Variants in CSMD2 observed in about 807,000 individuals in gnomAD.
CSMD2 encodes CUB and Sushi multiple domains 2, also known as CUB and sushi domain-containing protein 2.
Under a neutral mutation model 398.5 loss-of-function variants are expected in CSMD2, and 130 were observed. The observed-to-expected ratio is 0.33, with a 90% CI of 0.28 to 0.38. The LOEUF is 0.38. Among genes scored for constraint, CSMD2 ranks in the 10% least tolerant of loss-of-function variants. CSMD2 has a pLI of 1.00. For synonymous variants in CSMD2, 1,828 were observed against 1,908.5 expected (o/e 0.96, Z 1.10); for missense variants, 3,829 against 4,764.9 (o/e 0.80, Z 5.78).
At position 33,863,976 on chromosome 1, in the gene CSMD2, T is replaced by C. The variant is rs76744259; in HGVS notation, c.921-16980A>G. On this transcript the variant is annotated intron_variant, in intron 5 of 70. Transcript: ENST00000373381. ...ACCTGTACACAAATGCCCACAGGTGTTGGCTGGGATTGGCTGGCTTGTGGA... is the reference window on the plus strand; with the variant it reads ...ACCTGTACACAAATGCCCACAGGTGCTGGCTGGGATTGGCTGGCTTGTGGA... The C allele has an allele frequency of 7.7e-3, 4,192 of 544,456 alleles. 157 individuals are homozygous for C. The highest frequency in any genetic ancestry group is 0.072 in the African/African-American group (3,791 of 52,650). 33.7% of individuals were successfully genotyped at this position (544,456 alleles called of 1,614,324 possible).
chr1:33,716,423 G>A lies in CSMD2; in HGVS notation c.3080C>T (p.Thr1027Ile). The A allele has an allele frequency of 6.2e-7, 1 of 1,614,060 alleles. No individual in the cohort carries two copies. Among genetic ancestry groups the A allele is most frequent in the Non-Finnish European group, 8.5e-7 (1 of 1,180,028 alleles). ...TCCAGTTAGCTGCCTCAGGGGCTGG[G>A]TGAAGCTGCCGTTCTCAGTGATGAG... ...YLLITENGSF[T>I]QPLRQLTGSR... The change falls in exon 20 of 71, where the codon ACC becomes ATC. Residue 1027 changes from threonine (T) to isoleucine (I), a missense_variant. Thr to Ile is a moderately conservative substitution (Grantham distance 89, BLOSUM62 -1). Transcript: ENST00000373381.
chr1:34,107,134 G>A (rs1190182690), intron 1 of CSMD2, among the ~76,000 whole-genome samples: 1 of 152,172 alleles, frequency 6.6e-6, no homozygotes, highest in Non-Finnish European at 1.5e-5. Context: ...TCCTGTCTGG[G>A]TCTTTCAGAG....
At chr1:34,053,727 T>C (rs139157977) in intron 2 of CSMD2, among the ~76,000 whole-genome samples, 2 of 152,344 alleles carry the variant, frequency 1.3e-5, no homozygotes, top group African/African-American at 4.8e-5. Context: ...ATTATCATCT[T>C]TATTTCCTTT....
At chr1:34,039,226 C>T (rs751835229) in intron 2 of CSMD2, among the ~76,000 whole-genome samples, 3 of 152,136 alleles carry the variant, frequency 2.0e-5, no homozygotes, top group Non-Finnish European at 4.4e-5. Context: ...GGCCATGACA[C>T]CAGCTTGGCC....
At position 34,163,830 on chromosome 1, in the gene CSMD2, GA is replaced by G. The variant is rs893520586; in HGVS notation, c.187+1080del. 6.6e-6 allele frequency among the ~76,000 whole-genome samples: 1 copy of G among 152,102 alleles called. No homozygotes were observed. The highest frequency in any genetic ancestry group is 2.4e-5 in the African/African-American group (1 of 41,424). Reference sequence around the variant, plus strand: ...GGACCCGTCTCCACCCGGGCACACGGAACTTTCTAGCTTGTAGCTAGAACTG... The same window carrying G: ...GGACCCGTCTCCACCCGGGCACACGGACTTTCTAGCTTGTAGCTAGAACTG... On this transcript the variant is annotated intron_variant, in intron 1 of 70. Transcript: ENST00000373381. This position sits in a 1 kb window ranked among gnomAD's most constrained non-coding sequence, Gnocchi z 5.4.
intron 5 of CSMD2, among the ~76,000 whole-genome samples, chr1:33,899,776 A>G (rs1177598567): frequency 5.3e-5 from 8 of 152,324 alleles, no homozygotes; most frequent in African/African-American, 1.9e-4. Context: ...CAGAAAGCTA[A>G]GTGACTTGCT....
At chr1:34,036,761 T>G (rs1651178891) in intron 2 of CSMD2, among the ~76,000 whole-genome samples, 1 of 152,214 alleles carries the variant, frequency 6.6e-6, no homozygotes, top group Admixed American at 6.5e-5. Context: ...CTCCTGTGAA[T>G]CTATTATTAT....
At chr1:33,947,428 A>C (rs1644872404) in intron 3 of CSMD2, among the ~76,000 whole-genome samples, 1 of 152,130 alleles carries the variant, frequency 6.6e-6, no homozygotes, top group African/African-American at 2.4e-5. Flanking sequence ...TCCCTTAGAC[A>C]ACAGAACTCC....
At chr1:34,162,433 C>G (rs1490483726) in intron 1 of CSMD2, among the ~76,000 whole-genome samples, 1 of 152,204 alleles carries the variant, frequency 6.6e-6, no homozygotes, top group Non-Finnish European at 1.5e-5. Flanking sequence ...ACAGTGTGAA[C>G]TGAACACAAA....
At chr1:34,048,496 C>T (rs980545175) in intron 2 of CSMD2, among the ~76,000 whole-genome samples, 1 of 152,126 alleles carries the variant, frequency 6.6e-6, no homozygotes, top group Admixed American at 6.5e-5. Context: ...GGCTTTGTGC[C>T]CACCTACCCC....
chr1:33,600,153 C>T (rs952717019), intron 44 of CSMD2: 4 of 715,196 alleles, frequency 5.6e-6, no homozygotes, highest in Non-Finnish European at 5.2e-6. Flanking sequence ...GGGGAAGGGA[C>T]CTGTGCAAGG....
chr1:33,592,359 C>A, intron 44 of CSMD2: 1 of 715,132 alleles, frequency 1.4e-6, no homozygotes, highest in Non-Finnish European at 2.6e-6. Context: ...ATTTCAACTT[C>A]CCAAGAGAGA....
At chr1:33,897,565 A>C (rs1350343767) in intron 5 of CSMD2, among the ~76,000 whole-genome samples, 4 of 152,200 alleles carry the variant, frequency 2.6e-5, no homozygotes, top group Non-Finnish European at 4.4e-5. Context: ...ATCATGACTG[A>C]GGTCAAGAGG....
At chr1:33,706,361 T>C (rs560377952) in intron 22 of CSMD2, among the ~76,000 whole-genome samples, 23 of 152,224 alleles carry the variant, frequency 1.5e-4, no homozygotes, top group Non-Finnish European at 3.1e-4. Context: ...TTTACCATCT[T>C]CCGTTCATTG....
intron 5 of CSMD2, among the ~76,000 whole-genome samples, chr1:33,872,263 A>G (rs1351444777): frequency 6.6e-6 from 1 of 152,192 alleles, no homozygotes; most frequent in Non-Finnish European, 1.5e-5. Flanking sequence ...ATGTGAGAAG[A>G]GAGAAAAAAA....
intron 6 of CSMD2, among the ~76,000 whole-genome samples, chr1:33,837,966 G>A (rs900425354): frequency 6.6e-6 from 1 of 152,216 alleles, no homozygotes; most frequent in East Asian, 1.9e-4. Context: ...CAATACAAAT[G>A]TCTCTCTAGT....
chr1:34,074,578 A>G (rs972954360), intron 2 of CSMD2, among the ~76,000 whole-genome samples: 3 of 152,230 alleles, frequency 2.0e-5, no homozygotes, highest in African/African-American at 7.2e-5. Flanking sequence ...GCATTGATTC[A>G]TTCACTCCAT....
At chr1:33,716,141 C>A in intron 20 of CSMD2, 145 bp downstream of exon 20, 1 of 666,230 alleles carries the variant, frequency 1.5e-6, no homozygotes, top group Non-Finnish European at 2.6e-6. Flanking sequence ...ACCCAAGCAT[C>A]TTTTGCTGAA....
chr1:33,706,704 G>A (rs1432867089), intron 22 of CSMD2, among the ~76,000 whole-genome samples: 2 of 152,176 alleles, frequency 1.3e-5, no homozygotes, highest in African/African-American at 4.8e-5. Flanking sequence ...CTCTAAGGGA[G>A]AGCAGAGGAG....
Sources: allele counts gnomAD v4.1 joint callset (sites outside exome capture counted in the v4.1 genomes callset), GRCh38; gene constraint gnomAD v4.1.1; non-coding constraint Gnocchi (gnomAD v3.1); transcripts MANE v1.5; gene names NCBI Gene and HGNC (gene_info 2026-07-23, HGNC 2026-07-21).